Variants in SLC6A18 observed in about 807,000 individuals in gnomAD.
The protein encoded by SLC6A18 is inactive sodium-dependent neutral amino acid transporter B(0)AT3.
Under a neutral mutation model 62.9 loss-of-function variants are expected in SLC6A18, and 58 were observed. The observed-to-expected ratio is 0.92, with a 90% CI of 0.75 to 1.15. The LOEUF (loss-of-function observed/expected upper bound fraction) is 1.15. Ranked by LOEUF, SLC6A18 falls within the 50% of genes most tolerant of loss-of-function variation. The pLI is 0.00. For missense variants in SLC6A18, 793 were observed against 836.6 expected (o/e 0.95, Z 0.64); for synonymous variants, 382 against 365.8 (o/e 1.04, Z -0.51).
chr5:1,240,331 G>A (rs1468295437), intron 6 of SLC6A18, among the ~76,000 whole-genome samples, 200 bp from the exon 7 acceptor site: 1 of 152,210 alleles, frequency 6.6e-6, no homozygotes, highest in Non-Finnish European at 1.5e-5. Flanking sequence ...GCCTTGAGCT[G>A]GGGCTGCTGG....
At position 1,241,859 on chromosome 5, in the gene SLC6A18, G is replaced by A. The variant is rs914927871; in HGVS notation, c.975-848G>A. ...ATGAGCAGGCGGATAAGGACCAGCC[G>A]TGCGCACAACGCCCTGCGCCGTGCA... On this transcript the variant is annotated intron_variant, in intron 7 of 11. Coordinates refer to ENST00000324642, the MANE Select transcript of SLC6A18 (RefSeq NM_182632.3). This position sits in a 1 kb window ranked among gnomAD's most constrained non-coding sequence, Gnocchi z 7.8. Among the ~76,000 whole-genome samples, 9 of 152,226 alleles carry A rather than the reference G, an allele frequency of 5.9e-5. No individual in the cohort carries two copies. Among genetic ancestry groups the A allele is most frequent in the Non-Finnish European group, 1.3e-4 (9 of 68,042 alleles).
At chr5:1,242,150 A>T (rs1192063653) in intron 7 of SLC6A18, among the ~76,000 whole-genome samples, 1 of 152,170 alleles carries the variant, frequency 6.6e-6, no homozygotes, top group Non-Finnish European at 1.5e-5. Flanking sequence ...GCGGCCCCAC[A>T]GGGCGAATCA....
chr5:1,228,723 T>C (rs574988150), intron 1 of SLC6A18, among the ~76,000 whole-genome samples: 2 of 152,260 alleles, frequency 1.3e-5, no homozygotes, highest in South Asian at 4.1e-4. Context: ...AATATAAAAA[T>C]TAGCCGGGCG....
At chr5:1,240,435 G>C (rs1243158271) in intron 6 of SLC6A18, 96 bp from the exon 7 acceptor site, 3 of 1,549,958 alleles carry the variant, frequency 1.9e-6, no homozygotes, top group Non-Finnish European at 2.6e-6. Context: ...AGGCGGGAGA[G>C]AGGGTCAAGG....
Position 1,233,992 on chromosome 5 carries a change from C to T in SLC6A18, c.439+1104C>T, listed in dbSNP as rs528163821. Among the ~76,000 whole-genome samples, 15 of 152,276 alleles carry T rather than the reference C, an allele frequency of 9.9e-5. 1 individual carries two copies. Among genetic ancestry groups the T allele is most frequent in the South Asian group, 4.1e-4 (2 of 4,828 alleles). On this transcript the variant is annotated intron_variant, in intron 3 of 11. Coordinates refer to ENST00000324642, the MANE Select transcript of SLC6A18 (RefSeq NM_182632.3). ...TCCTGACCTCGTGATCCGCCTGCCTCGGCCTCCCAAAGTGCTGGGATTACA... is the reference window on the plus strand; with the variant it reads ...TCCTGACCTCGTGATCCGCCTGCCTTGGCCTCCCAAAGTGCTGGGATTACA...
At chr5:1,237,450 G>A (rs1332221166) in intron 4 of SLC6A18, among the ~76,000 whole-genome samples, 3 of 152,174 alleles carry the variant, frequency 2.0e-5, no homozygotes, top group Admixed American at 6.5e-5. Flanking sequence ...CCAGGTGGGG[G>A]CATCGAGGTG....
chr5:1,244,186 C>CCGAA, intron 9 of SLC6A18, 28 bp from the exon 10 acceptor site: 1 of 1,071,002 alleles, frequency 9.3e-7, no homozygotes, highest in Non-Finnish European at 1.4e-6. Context: ...ATCCCCTTAC[C>CCGAA]CCCCACACCC....
intron 3 of SLC6A18, among the ~76,000 whole-genome samples, chr5:1,233,240 G>A (rs896508976): frequency 6.6e-6 from 1 of 152,212 alleles, no homozygotes; most frequent in Non-Finnish European, 1.5e-5. Flanking sequence ...CACTTAGGGA[G>A]GCCGAGGTGG....
chr5:1,237,904 G>T, intron 4 of SLC6A18, 46 bp from the exon 5 acceptor site: 1 of 1,476,328 alleles, frequency 6.8e-7, no homozygotes, highest in South Asian at 1.1e-5. Context: ...CTTGTGGACA[G>T]ACCAGAGGCC....
chr5:1,233,128 G>GT (rs2126530515), intron 3 of SLC6A18, among the ~76,000 whole-genome samples: 1 of 152,344 alleles, frequency 6.6e-6, no homozygotes, highest in African/African-American at 2.4e-5. Context: ...GACCACCGAG[G>GT]TCCCCTTGCA....
rs1747220661 is a variant in SLC6A18 at position 1,246,181 on chromosome 5, C to T, written c.*103C>T. The T allele has an allele frequency of 5.8e-6, 8 of 1,390,608 alleles. No individual in the cohort carries two copies. Among genetic ancestry groups the T allele is most frequent in the Non-Finnish European group, 7.6e-6 (8 of 1,053,794 alleles). 86.1% of individuals were successfully genotyped at this position (1,390,608 alleles called of 1,614,324 possible). A position where few individuals can be genotyped will look rare whatever the true frequency, so the allele number is the denominator to read the frequency against. ...GGCCGACCCCAATACACCAGCGACT[C>T]AACCTTGATGCCGCTGTGTACGTGT... On this transcript the variant is annotated 3_prime_UTR_variant, in exon 12 of 12. Coordinates refer to ENST00000324642, the MANE Select transcript of SLC6A18 (RefSeq NM_182632.3).
chr5:1,229,232 C>G (rs982426887), intron 1 of SLC6A18, among the ~76,000 whole-genome samples: 1 of 151,790 alleles, frequency 6.6e-6, no homozygotes, highest in African/African-American at 2.4e-5. Context: ...ACAGAAAACC[C>G]TCTCATCTCC....
At chr5:1,235,141 T>G (rs1746850961) in intron 3 of SLC6A18, among the ~76,000 whole-genome samples, 1 of 152,220 alleles carries the variant, frequency 6.6e-6, no homozygotes, top group Non-Finnish European at 1.5e-5. Flanking sequence ...CCAGTGCTCC[T>G]GTGCCATCCT....
chr5:1,242,427 A>AG (rs1259725718), intron 7 of SLC6A18, among the ~76,000 whole-genome samples: 2 of 57,690 alleles, frequency 3.5e-5, no homozygotes, highest in African/African-American at 1.6e-4. Flanking sequence ...AGGCGTCCAC[A>AG]CGATCCCAAC....
intron 4 of SLC6A18, 104 bp from the exon 5 acceptor site, chr5:1,237,846 C>T: frequency 2.4e-6 from 2 of 849,654 alleles, no homozygotes; most frequent in Non-Finnish European, 3.9e-6. Flanking sequence ...CAGAGGCAGC[C>T]ACTCTGACCA....
In SLC6A18 at chr5:1,238,147, G is replaced by A. The variant is rs1458183105; in HGVS notation, c.732+87G>A. The A allele has an allele frequency of 4.1e-5, 44 of 1,080,520 alleles. 1 individual carries two copies. The highest frequency in any genetic ancestry group is 2.5e-4 in the Middle Eastern group (1 of 3,944). The allele number at this position is 1,080,520 out of a possible 1,614,324, so 66.9% of individuals were successfully genotyped here. A position where few individuals can be genotyped will look rare whatever the true frequency, so the allele number is the denominator to read the frequency against. Reference sequence around the variant, plus strand: ...GCAGCTCCCTCCCTCACCTGGGAGCGTGAGAGGCCAGGAGCCACTCCAGCA... The same window carrying A: ...GCAGCTCCCTCCCTCACCTGGGAGCATGAGAGGCCAGGAGCCACTCCAGCA... On this transcript the variant is annotated intron_variant, in intron 5 of 11. Transcript: ENST00000324642.
intron 9 of SLC6A18, 46 bp from the exon 10 acceptor site, chr5:1,244,168 C>T: frequency 1.1e-6 from 1 of 870,408 alleles, no homozygotes; most frequent in Non-Finnish European, 1.8e-6. Flanking sequence ...CCCACACCTC[C>T]ACTCCCCATC....
At chr5:1,240,201 C>T (rs1747017642) in intron 6 of SLC6A18, among the ~76,000 whole-genome samples, 1 of 152,266 alleles carries the variant, frequency 6.6e-6, no homozygotes, top group Non-Finnish European at 1.5e-5. Context: ...TGCGTTTCTC[C>T]TTTGGAGATG....
chr5:1,226,782 G>A (rs901159909), intron 1 of SLC6A18, among the ~76,000 whole-genome samples: 2 of 152,136 alleles, frequency 1.3e-5, no homozygotes, highest in African/African-American at 2.4e-5. Flanking sequence ...CCTGGCTCCC[G>A]GGGCCCTCGC....
Sources: allele counts gnomAD v4.1 joint callset (sites outside exome capture counted in the v4.1 genomes callset), GRCh38; gene constraint gnomAD v4.1.1; non-coding constraint Gnocchi (gnomAD v3.1); transcripts MANE v1.5; gene names NCBI Gene and HGNC (gene_info 2026-07-23, HGNC 2026-07-21).